Variants in BTBD10 observed in about 807,000 individuals in gnomAD.
The protein encoded by BTBD10 is BTB domain containing 10, also known as BTB/POZ domain-containing protein 10.
In BTBD10, 21 loss-of-function variants were observed where a neutral mutation model predicts 53.2. The ratio of observed to expected loss-of-function variants is 0.39; its 90% CI spans 0.28 to 0.57. The LOEUF is 0.57. Among genes scored for constraint, BTBD10 ranks in the 20% least tolerant of loss-of-function variants. The pLI, the probability that BTBD10 is intolerant of heterozygous loss-of-function variation, is 0.53. For synonymous variants in BTBD10, 149 were observed against 192.7 expected, an observed-to-expected ratio of 0.77 and a Z score of 1.88; for missense variants, 360 against 594.7, an observed-to-expected ratio of 0.61 and a Z score of 4.10.
At chr11:13,404,358 A>C (rs1233693473) in intron 7 of BTBD10, among the ~76,000 whole-genome samples, 1 of 152,202 alleles carries the variant, frequency 6.6e-6, no homozygotes, top group Non-Finnish European at 1.5e-5. Context: ...AAGATAAAAA[A>C]CAAGAAAACA....
chr11:13,452,184 CATTAG>C, intron 1 of BTBD10, among the ~76,000 whole-genome samples: 1 of 152,136 alleles, frequency 6.6e-6, no homozygotes, highest in Non-Finnish European at 1.5e-5. Flanking sequence ...ATCTTAAAAG[CATTAG>C]ATAAGTGAAA....
chr11:13,406,575 G>C (rs1949834951), intron 6 of BTBD10, among the ~76,000 whole-genome samples: 1 of 150,438 alleles, frequency 6.6e-6, no homozygotes, highest in South Asian at 2.1e-4. Flanking sequence ...GAGAGAGAGA[G>C]AGAGAGAGAG....
At chr11:13,446,248 T>C (rs1445084601) in intron 1 of BTBD10, among the ~76,000 whole-genome samples, 2 of 152,122 alleles carry the variant, frequency 1.3e-5, no homozygotes, top group East Asian at 3.9e-4. Context: ...CTGGATTTGA[T>C]GGTGGGAGGT....
chr11:13,410,879 T>C (rs780163044), intron 6 of BTBD10, among the ~76,000 whole-genome samples: 1 of 151,986 alleles, frequency 6.6e-6, no homozygotes, highest in South Asian at 2.1e-4. Flanking sequence ...GACACAAAAG[T>C]GTGAATAAAT....
At chr11:13,425,660 G>A (rs140558317) in intron 2 of BTBD10, among the ~76,000 whole-genome samples, 10 of 152,022 alleles carry the variant, frequency 6.6e-5, no homozygotes, top group African/African-American at 1.9e-4. Flanking sequence ...TATACTAAAT[G>A]GCCCTTTAAA....
chr11:13,408,882 A>G (rs1237401287), intron 6 of BTBD10, among the ~76,000 whole-genome samples: 2 of 152,194 alleles, frequency 1.3e-5, no homozygotes, highest in African/African-American at 2.4e-5. Context: ...TTTTTAACAC[A>G]ACAGCCAAAA....
intron 8 of BTBD10, among the ~76,000 whole-genome samples, chr11:13,402,238 A>G (rs1016473422): frequency 1.3e-5 from 2 of 152,206 alleles, no homozygotes; most frequent in African/African-American, 4.8e-5. Context: ...TCAGCAGCCC[A>G]TTACTATTCT....
At chr11:13,424,500 T>C (rs1565251671) in intron 2 of BTBD10, among the ~76,000 whole-genome samples, 1 of 152,246 alleles carries the variant, frequency 6.6e-6, no homozygotes, top group Non-Finnish European at 1.5e-5. Flanking sequence ...TGTCCTACTA[T>C]ATTTAATTCA....
chr11:13,413,456 G>C, intron 6 of BTBD10, 74 bp downstream of exon 6: 1 of 1,317,560 alleles, frequency 7.6e-7, no homozygotes, highest in Non-Finnish European at 1.0e-6. Flanking sequence ...TAGGTAAATA[G>C]CACTAATTTC....
intron 6 of BTBD10, among the ~76,000 whole-genome samples, chr11:13,408,804 T>C (rs1399025929): frequency 6.6e-6 from 1 of 152,190 alleles, no homozygotes; most frequent in Non-Finnish European, 1.5e-5. Context: ...TACCATCTCA[T>C]ACCTGGACTT....
chr11:13,445,797 ACTG>A (rs1294340524), intron 1 of BTBD10, among the ~76,000 whole-genome samples: 3 of 152,170 alleles, frequency 2.0e-5, no homozygotes, highest in Non-Finnish European at 2.9e-5. Flanking sequence ...GAGGCTTGTA[ACTG>A]CTATTTCTAC....
At chr11:13,426,960 TTGGA>T (rs1565253712) in intron 2 of BTBD10, among the ~76,000 whole-genome samples, 3 of 152,242 alleles carry the variant, frequency 2.0e-5, no homozygotes, top group East Asian at 3.9e-4. Context: ...GATTATCAGA[TTGGA>T]TATAAAAGCT....
intron 6 of BTBD10, among the ~76,000 whole-genome samples, chr11:13,411,066 CT>C (rs1438248239): frequency 7.2e-5 from 11 of 152,084 alleles, no homozygotes; most frequent in Non-Finnish European, 1.6e-4. Flanking sequence ...AAGGGAAAGA[CT>C]GATGATACCA....
intron 5 of BTBD10, among the ~76,000 whole-genome samples, chr11:13,415,685 T>G (rs1002455960): frequency 1.3e-5 from 2 of 152,188 alleles, no homozygotes; most frequent in Non-Finnish European, 2.9e-5. Context: ...ACGTAGTTTG[T>G]AAATTATCTA....
At chr11:13,398,005 G>T (rs1404756871) in intron 8 of BTBD10, among the ~76,000 whole-genome samples, 1 of 152,166 alleles carries the variant, frequency 6.6e-6, no homozygotes, top group Non-Finnish European at 1.5e-5. Context: ...GTGCTGAAAA[G>T]AATGTATATT....
chr11:13,407,358 A>G (rs970796066), intron 6 of BTBD10, among the ~76,000 whole-genome samples: 1 of 152,276 alleles, frequency 6.6e-6, no homozygotes, highest in African/African-American at 2.4e-5. Flanking sequence ...GGAAATTTCC[A>G]CTTGGATGTA....
At chr11:13,393,827 C>T (rs1949467013) in intron 8 of BTBD10, among the ~76,000 whole-genome samples, 3 of 152,130 alleles carry the variant, frequency 2.0e-5, no homozygotes, top group Admixed American at 2.0e-4. Context: ...AGACTCAAAT[C>T]ACACAGACTT....
In BTBD10 at chr11:13,441,796, G is replaced by A. The variant is rs145785931; in HGVS notation, c.101+3228C>T. ...CAATAAAGTATGCTTATTTCCTTACGTTTATAGATTTAAATCCCCAACTGT... is the reference window on the plus strand; with the variant it reads ...CAATAAAGTATGCTTATTTCCTTACATTTATAGATTTAAATCCCCAACTGT... On this transcript the variant is annotated intron_variant, in intron 2 of 8. Coordinates refer to ENST00000278174, the MANE Select transcript of BTBD10 (RefSeq NM_032320.7). Among the ~76,000 whole-genome samples, 489 of 152,124 alleles carry A rather than the reference G, an allele frequency of 3.2e-3. 4 individuals are homozygous for A. The highest frequency in any genetic ancestry group is 0.011 in the African/African-American group (446 of 41,510).
At chr11:13,436,927 C>T (rs549623710) in intron 2 of BTBD10, among the ~76,000 whole-genome samples, 9 of 152,156 alleles carry the variant, frequency 5.9e-5, no homozygotes, top group Admixed American at 2.6e-4. Flanking sequence ...GGATTACAGG[C>T]GTGCACCAAC....
Sources: allele counts gnomAD v4.1 joint callset (sites outside exome capture counted in the v4.1 genomes callset), GRCh38; gene constraint gnomAD v4.1.1; transcripts MANE v1.5; gene names NCBI Gene and HGNC (gene_info 2026-07-23, HGNC 2026-07-21).